The following CHMP1A variants were observed in gnomAD, a reference collection of about 807,000 sequenced individuals.
CHMP1A encodes the protein charged multivesicular body protein 1A.
Under a neutral mutation model 27.0 loss-of-function variants are expected in CHMP1A, and 17 were observed. The observed-to-expected ratio is 0.63, with a 90% CI of 0.43 to 0.95. The LOEUF (loss-of-function observed/expected upper bound fraction) is 0.95, where lower values mean the gene tolerates loss of function less well. Ranked by LOEUF, CHMP1A falls within the 40% of genes least tolerant of loss-of-function variation. CHMP1A has a pLI of 0.00. For synonymous variants in CHMP1A, 131 were observed against 107.5 expected (o/e 1.22, Z -1.35); for missense variants, 275 against 264.0 (o/e 1.04, Z -0.29).
chr16:89,649,103 G>A (rs1597787351), intron 4 of CHMP1A: 10 of 511,534 alleles, frequency 2.0e-5, no homozygotes, highest in East Asian at 3.5e-5. Context: ...AGCTCAGGGT[G>A]CAGCCTCACC....
At chr16:89,655,114 T>C (rs1417833769) in intron 1 of CHMP1A, among the ~76,000 whole-genome samples, 1 of 152,090 alleles carries the variant, frequency 6.6e-6, no homozygotes, top group African/African-American at 2.4e-5. Context: ...TGTTCACAAA[T>C]GCACACCAAG....
intron 3 of CHMP1A, chr16:89,649,715 A>T: frequency 1.9e-6 from 1 of 525,264 alleles, no homozygotes; most frequent in African/African-American, 2.0e-5. Context: ...AGTTGGGACT[A>T]CAGGCGCCCG....
chr16:89,646,917 C>G, intron 5 of CHMP1A: 1 of 588,706 alleles, frequency 1.7e-6, no homozygotes, highest in Non-Finnish European at 3.0e-6. Context: ...CTGACTGTGC[C>G]ATGCCTGCTG....
chr16:89,645,830 T>G lies in CHMP1A; in HGVS notation c.*236A>C. The G allele has an allele frequency of 7.3e-7, 1 of 1,370,840 alleles. No individual in the cohort carries two copies. Among genetic ancestry groups the G allele is most frequent in the Non-Finnish European group, 9.8e-7 (1 of 1,017,734 alleles). The allele number at this position is 1,370,840 out of a possible 1,614,324, so 84.9% of individuals were successfully genotyped here. On this transcript the variant is annotated 3_prime_UTR_variant, in exon 7 of 7. Transcript: ENST00000397901. ...TGGCCTCCCCGCTGTGGGCCCAGAG[T>G]CACAGAAATCACCCCCAGAAATTTG...
rs565925884 is a variant in CHMP1A at position 89,657,655 on chromosome 16, C to T, written c.-67G>A. 3.6e-4 allele frequency: 582 copies of T among 1,603,458 alleles called. No homozygotes were observed. The highest frequency in any genetic ancestry group is 4.8e-4 in the Non-Finnish European group (560 of 1,176,194). ...CGCCAACTCCGGGCGGTGTCAGGTC[C>T]CGGCGGCGATCGAACCGACCAAGCT... On this transcript the variant is annotated 5_prime_UTR_variant, in exon 1 of 7. Coordinates refer to ENST00000397901, the MANE Select transcript of CHMP1A (RefSeq NM_002768.5).
rs1354274863 is a variant in CHMP1A at position 89,657,703 on chromosome 16, G to T, written c.-115C>A. 2 of 1,558,314 alleles carry T rather than the reference G, an allele frequency of 1.3e-6. No homozygotes were observed. The highest frequency in any genetic ancestry group is 1.7e-4 in the Middle Eastern group (1 of 5,822). ...GCTGCACCCGGCGGGGACTTCCGGGGTCGCCGCCCCACTTCCGGTCGCACG... is the reference window on the plus strand; with the variant it reads ...GCTGCACCCGGCGGGGACTTCCGGGTTCGCCGCCCCACTTCCGGTCGCACG... On this transcript the variant is annotated 5_prime_UTR_variant, in exon 1 of 7. Transcript: ENST00000397901.
intron 1 of CHMP1A, among the ~76,000 whole-genome samples, chr16:89,654,725 G>GCA (rs1246272598): frequency 5.3e-5 from 8 of 152,268 alleles, no homozygotes; most frequent in South Asian, 2.1e-4. Context: ...GGCGGAACAT[G>GCA]AGGTCAGGAG....
intron 2 of CHMP1A, among the ~76,000 whole-genome samples, chr16:89,652,096 G>C (rs192607697): frequency 1.2e-4 from 18 of 152,360 alleles, no homozygotes; most frequent in Middle Eastern, 6.8e-3. Context: ...GTGTTATCTC[G>C]AGAGAATGCT....
chr16:89,654,088 G>A lies in CHMP1A; in HGVS notation c.8-165C>T, dbSNP rs74408258. 2.8e-4 allele frequency among the ~76,000 whole-genome samples: 42 copies of A among 152,328 alleles called. 1 individual carries two copies. The highest frequency in any genetic ancestry group is 5.9e-4 in the Admixed American group (9 of 15,296). On this transcript the variant is annotated intron_variant, in intron 1 of 6. Coordinates refer to ENST00000397901, the MANE Select transcript of CHMP1A (RefSeq NM_002768.5). ...GAGCCCCCCCCAACAGGGGAGGCAC[G>A]AGACAGATTCGTGTGCCAGCCCTGG...
intron 4 of CHMP1A, 26 bp downstream of exon 4, chr16:89,649,325 A>G (rs769660380): frequency 1.9e-6 from 3 of 1,602,888 alleles, no homozygotes; most frequent in Non-Finnish European, 2.6e-6. Context: ...AACGCCACCC[A>G]TCCAGCACCA....
chr16:89,649,547 C>A, intron 3 of CHMP1A, 50 bp from the exon 4 acceptor site: 1 of 1,606,188 alleles, frequency 6.2e-7, no homozygotes. Context: ...GTGTGTGTGC[C>A]CCCTGCTAGG....
chr16:89,645,973 C>A lies in CHMP1A; in HGVS notation c.*93G>T, dbSNP rs542215121. The A allele has an allele frequency of 1.9e-6, 3 of 1,611,836 alleles. No individual in the cohort carries two copies. Among genetic ancestry groups the A allele is most frequent in the East Asian group, 4.5e-5 (2 of 44,788 alleles). ...AGAGTGGCTGCCGGCCGCAGCCCCG[C>A]GGGGTCAGCACAAAGGCAAGACGCG... On this transcript the variant is annotated 3_prime_UTR_variant, in exon 7 of 7. Coordinates refer to ENST00000397901, the MANE Select transcript of CHMP1A (RefSeq NM_002768.5).
At chr16:89,657,432 G>A in intron 1 of CHMP1A, 150 bp downstream of exon 1, 1 of 879,700 alleles carries the variant, frequency 1.1e-6, no homozygotes. Flanking sequence ...GGTGGTCGAG[G>A]CCCTGGGGAT....
chr16:89,654,991 A>G (rs1282056476), intron 1 of CHMP1A, among the ~76,000 whole-genome samples: 5 of 152,174 alleles, frequency 3.3e-5, no homozygotes, highest in Non-Finnish European at 1.5e-5. Flanking sequence ...ATTGATCTCA[A>G]TTCATTCAAC....
At chr16:89,647,397 G>A (rs1005119579) in intron 4 of CHMP1A, 66 bp from the exon 5 acceptor site, 51 of 1,485,952 alleles carry the variant, frequency 3.4e-5, no homozygotes, top group South Asian at 2.6e-4. Flanking sequence ...CACCAGGGAC[G>A]GGTCCCCTGG....
intron 1 of CHMP1A, 142 bp from the exon 2 acceptor site, chr16:89,654,065 GCCC>G (rs59326830): frequency 1.2e-6 from 1 of 869,378 alleles, no homozygotes; most frequent in East Asian, 2.5e-5. Flanking sequence ...CCTTCGGGGA[GCCC>G]CCCCCAACAG....
At chr16:89,657,547 G>A in intron 1 of CHMP1A, 35 bp downstream of exon 1, 5 of 1,609,238 alleles carry the variant, frequency 3.1e-6, no homozygotes, top group Non-Finnish European at 3.4e-6. Context: ...CCCGCCCCGC[G>A]CGCGAGTCCC....
intron 4 of CHMP1A, among the ~76,000 whole-genome samples, chr16:89,648,458 T>C (rs71374191): frequency 0.45 from 22,242 of 49,368 alleles, 8,660 homozygotes; most frequent in African/African-American, 0.59. Flanking sequence ...TCTCCAGGAC[T>C]GCTGTGCCCT....
In CHMP1A at chr16:89,651,569, C is replaced by T. The variant is rs1479214627; in HGVS notation, c.105G>A (p.Lys35=). ...DSKAEQAKVK[K]ALLQKNVECA... is the part of the protein sequence containing the mutation. ...GACCCCACAGCCCCCAGGGTCTCAC[C>T]TTCTTCACTTTGGCCTGCTCCGCCT... is the stretch of plus-strand genomic sequence containing the variant. The change falls in exon 3 of 7, where the codon AAG becomes AAA. Residue 35 remains lysine, a splice_region_variant and synonymous_variant. Coordinates refer to ENST00000397901, the MANE Select transcript of CHMP1A (RefSeq NM_002768.5). 8.7e-6 allele frequency: 14 copies of T among 1,613,506 alleles called. No individual in the cohort carries two copies. Among genetic ancestry groups the T allele is most frequent in the Non-Finnish European group, 1.2e-5 (14 of 1,179,712 alleles).
Sources: gnomAD v4.1 joint callset for allele counts (sites outside exome capture counted in the v4.1 genomes callset) on GRCh38, gnomAD v4.1.1 for gene constraint, MANE v1.5 for transcripts, NCBI Gene and HGNC (gene_info 2026-07-23, HGNC 2026-07-21) for gene names.